Variants in NPAS3 observed in about 807,000 individuals in gnomAD.
NPAS3 encodes neuronal PAS domain-containing protein 3.
In NPAS3, 14 loss-of-function variants were observed where a neutral mutation model predicts 73.1. That is an observed-to-expected ratio of 0.19 (90% CI 0.13 to 0.30). The LOEUF (loss-of-function observed/expected upper bound fraction) is 0.30. Among genes scored for constraint, NPAS3 ranks in the 10% least tolerant of loss-of-function variants. The pLI, the probability that NPAS3 is intolerant of heterozygous loss-of-function variation, is 1.00. For missense variants in NPAS3, 1,096 were observed against 1,250.0 expected (o/e 0.88, Z 1.86); for synonymous variants, 620 against 541.5 (o/e 1.14, Z -2.01).
At chr14:33,781,656 G>T (rs1376309951) in intron 9 of NPAS3, among the ~76,000 whole-genome samples, 1 of 152,204 alleles carries the variant, frequency 6.6e-6, no homozygotes, top group East Asian at 1.9e-4. Flanking sequence ...TCTTCCTAGA[G>T]CTATTGGCAC....
chr14:33,579,727 C>T (rs1175545058), intron 5 of NPAS3, among the ~76,000 whole-genome samples: 2 of 151,876 alleles, frequency 1.3e-5, no homozygotes, highest in Non-Finnish European at 2.9e-5. Context: ...AGCAAGTTCG[C>T]CTTAAATTGG....
intron 4 of NPAS3, among the ~76,000 whole-genome samples, chr14:33,485,597 T>A (rs1394366267): frequency 6.6e-6 from 1 of 152,188 alleles, no homozygotes; most frequent in Non-Finnish European, 1.5e-5. Context: ...CATTAACATT[T>A]GGAAGTGAAG....
intron 2 of NPAS3, among the ~76,000 whole-genome samples, chr14:33,118,673 C>T (rs948638104): frequency 2.6e-5 from 4 of 151,904 alleles, no homozygotes; most frequent in Admixed American, 1.3e-4. Context: ...ATATAGCAGG[C>T]AAATTGAAAA....
chr14:33,105,140 C>T (rs2042685609), intron 2 of NPAS3, among the ~76,000 whole-genome samples: 1 of 152,162 alleles, frequency 6.6e-6, no homozygotes, highest in Non-Finnish European at 1.5e-5. Flanking sequence ...ACCAAACATA[C>T]ATCACACAAA....
At chr14:33,419,812 T>C (rs2048300140) in intron 4 of NPAS3, among the ~76,000 whole-genome samples, 1 of 151,864 alleles carries the variant, frequency 6.6e-6, no homozygotes, top group Admixed American at 6.6e-5. Context: ...GCTGAAATAA[T>C]GAGAGGCTGT....
chr14:33,748,083 A>G (rs1427670734), intron 7 of NPAS3, among the ~76,000 whole-genome samples: 3 of 152,360 alleles, frequency 2.0e-5, no homozygotes, highest in Non-Finnish European at 4.4e-5. Flanking sequence ...CACAGTAGAA[A>G]TTCAATATAA....
At chr14:33,094,256 C>T (rs2042329834) in intron 2 of NPAS3, among the ~76,000 whole-genome samples, 1 of 151,800 alleles carries the variant, frequency 6.6e-6, no homozygotes, top group African/African-American at 2.4e-5. Context: ...TTCATATAAC[C>T]CACTATATGG....
chr14:33,273,708 T>C (rs144059981), intron 3 of NPAS3, among the ~76,000 whole-genome samples: 2 of 152,254 alleles, frequency 1.3e-5, no homozygotes, highest in African/African-American at 4.8e-5. Flanking sequence ...AATGATAGAT[T>C]TGGCTTTAAT....
intron 5 of NPAS3, among the ~76,000 whole-genome samples, chr14:33,629,244 A>G (rs1050401158): frequency 5.3e-5 from 8 of 151,760 alleles, no homozygotes; most frequent in Admixed American, 1.3e-4. Context: ...CAAAAAAAAA[A>G]AAAAAAGAAA....
chr14:33,283,469 A>G (rs1474807160), intron 3 of NPAS3, among the ~76,000 whole-genome samples: 9 of 152,200 alleles, frequency 5.9e-5, no homozygotes, highest in Admixed American at 5.9e-4. Flanking sequence ...CTATCAATTT[A>G]TGTTTCTAGA....
chr14:33,587,964 T>G lies in NPAS3; in HGVS notation c.558+27754T>G, dbSNP rs766844657. On this transcript the variant is annotated intron_variant, in intron 5 of 11. Coordinates refer to ENST00000356141, the Ensembl canonical transcript of NPAS3. ...GATAAACCTGATTCACCACACCATATGATTTCTGTTACCAGGGACATTTTG... is the reference window on the plus strand; with the variant it reads ...GATAAACCTGATTCACCACACCATAGGATTTCTGTTACCAGGGACATTTTG... Among the ~76,000 whole-genome samples, 62 of 152,346 alleles carry G rather than the reference T, an allele frequency of 4.1e-4. 1 individual carries two copies. Among genetic ancestry groups the G allele is most frequent in the Middle Eastern group, 3.4e-3 (1 of 294 alleles).
chr14:33,417,548 T>C (rs537332184), intron 4 of NPAS3, among the ~76,000 whole-genome samples: 3 of 152,036 alleles, frequency 2.0e-5, no homozygotes, highest in African/African-American at 7.2e-5. Context: ...AAGAAAGATA[T>C]GTTTGGATTC....
chr14:33,267,822 A>C (rs1467144315), intron 3 of NPAS3, among the ~76,000 whole-genome samples: 1 of 152,192 alleles, frequency 6.6e-6, no homozygotes, highest in Non-Finnish European at 1.5e-5. Context: ...AGCATTGGGC[A>C]TGCAGAGGAG....
chr14:33,439,067 T>C (rs1197268218), intron 4 of NPAS3, among the ~76,000 whole-genome samples: 1 of 151,432 alleles, frequency 6.6e-6, no homozygotes, highest in Non-Finnish European at 1.5e-5. Flanking sequence ...AAGCAATACA[T>C]AATATTATCT....
chr14:33,773,146 G>C (rs1009334182), intron 7 of NPAS3, among the ~76,000 whole-genome samples: 1 of 152,160 alleles, frequency 6.6e-6, no homozygotes, highest in Admixed American at 6.5e-5. Context: ...GAGCAGACGC[G>C]AGATCATATT....
intron 6 of NPAS3, among the ~76,000 whole-genome samples, chr14:33,697,926 A>T (rs1349240642): frequency 6.6e-6 from 1 of 152,216 alleles, no homozygotes; most frequent in Admixed American, 6.5e-5. Flanking sequence ...AATGGGTCCA[A>T]TTATAAGTGA....
Position 33,561,513 on chromosome 14 carries a change from G to A in NPAS3, c.558+1303G>A, listed in dbSNP as rs553563665. 3.3e-5 allele frequency among the ~76,000 whole-genome samples: 5 copies of A among 152,294 alleles called. No individual in the cohort carries two copies. In the East Asian group the frequency reaches 7.7e-4, roughly 23 times the overall value. Reference sequence around the variant, plus strand: ...TTTAGCAAACCAAATGATAGAAACCGAGCTTTTGTTAACTCGGTATTACTA... The same window carrying A: ...TTTAGCAAACCAAATGATAGAAACCAAGCTTTTGTTAACTCGGTATTACTA... On this transcript the variant is annotated intron_variant, in intron 5 of 11. Coordinates refer to ENST00000356141, the Ensembl canonical transcript of NPAS3.
chr14:33,423,328 A>G (rs1401131767), intron 4 of NPAS3, among the ~76,000 whole-genome samples: 2 of 151,992 alleles, frequency 1.3e-5, no homozygotes, highest in Non-Finnish European at 2.9e-5. Flanking sequence ...TGTTTAATTT[A>G]TGTACTCTCA....
chr14:33,677,378 C>A (rs1021820988), intron 6 of NPAS3, among the ~76,000 whole-genome samples: 1 of 152,098 alleles, frequency 6.6e-6, no homozygotes, highest in Middle Eastern at 3.4e-3. Context: ...TGAATCAAGG[C>A]CTGATTTGAA....
Sources: gnomAD v4.1 joint callset for allele counts (sites outside exome capture counted in the v4.1 genomes callset) on GRCh38, gnomAD v4.1.1 for gene constraint, MANE v1.5 for transcripts, NCBI Gene and HGNC (gene_info 2026-07-23, HGNC 2026-07-21) for gene names.